NCAM1: variants seen among roughly 807,000 people sequenced by gnomAD.
NCAM1 encodes the protein neural cell adhesion molecule 1.
Under a neutral mutation model 109.8 loss-of-function variants are expected in NCAM1, and 14 were observed. That is an observed-to-expected ratio of 0.13 (90% CI 0.08 to 0.20). The LOEUF is 0.20. Ranked by LOEUF, NCAM1 falls within the 10% of genes least tolerant of loss-of-function variation. NCAM1 has a pLI of 1.00. For synonymous variants in NCAM1, 418 were observed against 442.9 expected (o/e 0.94, Z 0.70); for missense variants, 774 against 1,109.9 (o/e 0.70, Z 4.30).
chr11:113,229,237 G>GA (rs1467637077), intron 9 of NCAM1, among the ~76,000 whole-genome samples: 4 of 140,736 alleles, frequency 2.8e-5, no homozygotes, highest in African/African-American at 1.0e-4. Context: ...AAATTTACAA[G>GA]AAAAAATCAA....
intron 1 of NCAM1, among the ~76,000 whole-genome samples, chr11:113,049,495 A>G (rs1555081446): frequency 2.0e-5 from 3 of 152,188 alleles, no homozygotes; most frequent in East Asian, 1.9e-4. Flanking sequence ...TATATCTCCC[A>G]GGAATGCCTG....
At chr11:113,188,234 C>G (rs1943571832) in intron 1 of NCAM1, among the ~76,000 whole-genome samples, 2 of 152,140 alleles carry the variant, frequency 1.3e-5, no homozygotes, top group African/African-American at 4.8e-5. Context: ...CTTGTGAAAC[C>G]AGCAGCCCAT....
rs782763937 is a variant in NCAM1 at position 113,233,169 on chromosome 11, C to T, written c.1545C>T (p.Ile515=). Residue 515 remains isoleucine, a synonymous_variant, in exon 13 of 20, where the codon ATC becomes ATT. Transcript: ENST00000316851. The surrounding 1 kb of genome is among the most constrained non-coding windows in gnomAD (Gnocchi z 4.5). The part of the protein sequence containing the change: ...VQADTPSSPS[I]DQVEPYSSTA... ...CAGACACCCCCTCTTCACCATCCATCGACCAGGTGGAGCCATACTCCAGCA... is the reference window on the plus strand; with the variant it reads ...CAGACACCCCCTCTTCACCATCCATTGACCAGGTGGAGCCATACTCCAGCA... The T allele has an allele frequency of 6.2e-6, 10 of 1,613,260 alleles. No individual in the cohort carries two copies. The highest frequency in any genetic ancestry group is 4.0e-5 in the African/African-American group (3 of 74,884).
At chr11:113,090,713 G>A (rs1939305443) in intron 1 of NCAM1, among the ~76,000 whole-genome samples, 1 of 152,134 alleles carries the variant, frequency 6.6e-6, no homozygotes, top group Admixed American at 6.5e-5. Context: ...AATTAAAATT[G>A]GGAAAAAATG....
At position 113,232,718 on chromosome 11, in the gene NCAM1, G is replaced by A; in HGVS notation, c.1426G>A (p.Val476Met). ...ACCCAATAGCTTCTTCCTTCTAAAG[G>A]TGACCCCAGACTCTGAGAATGATTT... ...YNTPSASYLE[V>M]TPDSENDFGN... The change falls in exon 12 of 20, where the codon GTG becomes ATG. Residue 476 changes from valine to methionine, a missense_variant and splice_region_variant. Physicochemically the swap from Val to Met is conservative, Grantham distance 21. Coordinates refer to ENST00000316851, the MANE Select transcript of NCAM1 (RefSeq NM_181351.5). 6 of 1,611,914 alleles carry A rather than the reference G, an allele frequency of 3.7e-6. No individual in the cohort carries two copies. The highest frequency in any genetic ancestry group is 5.1e-6 in the Non-Finnish European group (6 of 1,178,032).
At position 113,271,984 on chromosome 11, in the gene NCAM1, G is replaced by A. The variant is rs1474104302; in HGVS notation, c.2456+108G>A. 4 of 739,870 alleles carry A rather than the reference G, an allele frequency of 5.4e-6. No individual in the cohort carries two copies. In the African/African-American group the frequency reaches 5.8e-5, roughly 11 times the overall value. The allele number at this position is 739,870 out of a possible 1,614,324, so 45.8% of individuals were successfully genotyped here. On this transcript the variant is annotated intron_variant, in intron 19 of 19. Transcript: ENST00000316851. ...CCTACCCACAGCTCCCGGCCAAACA[G>A]TTCAGGCCAGGATTCCAAACCCTTG...
intron 1 of NCAM1, among the ~76,000 whole-genome samples, chr11:112,988,753 T>TTA (rs1425887319): frequency 9.3e-5 from 14 of 149,872 alleles, no homozygotes; most frequent in Admixed American, 2.7e-4. Flanking sequence ...TCAACAGTAT[T>TTA]TTTTTTTTTT....
In NCAM1 at chr11:113,207,252, T is replaced by C. The variant is rs782409634; in HGVS notation, c.629-9T>C. ...CACAACCACCCCATGACACCCTTTT[T>C]TCCTTCAGTGCCACCTACCATCCAG... is the stretch of plus-strand genomic sequence containing the variant. On this transcript the variant is annotated splice_polypyrimidine_tract_variant and intron_variant, in intron 5 of 19. Transcript: ENST00000316851. 3 of 1,612,736 alleles carry C rather than the reference T, an allele frequency of 1.9e-6. No individual in the cohort carries two copies. Among genetic ancestry groups the C allele is most frequent in the Non-Finnish European group, 2.5e-6 (3 of 1,178,820 alleles).
chr11:113,179,290 A>T (rs1161678120), intron 1 of NCAM1, among the ~76,000 whole-genome samples: 1 of 152,140 alleles, frequency 6.6e-6, no homozygotes, highest in East Asian at 1.9e-4. Flanking sequence ...TGTACCCCCA[A>T]CTTGTTGATT....
At chr11:113,065,235 T>A (rs1454410205) in intron 1 of NCAM1, among the ~76,000 whole-genome samples, 1 of 152,016 alleles carries the variant, frequency 6.6e-6, no homozygotes, top group Non-Finnish European at 1.5e-5. Flanking sequence ...AAAATAAATA[T>A]CCATGAATCC....
At chr11:112,981,825 A>G (rs1281726457) in intron 1 of NCAM1, among the ~76,000 whole-genome samples, 1 of 151,964 alleles carries the variant, frequency 6.6e-6, no homozygotes, top group African/African-American at 2.4e-5. Flanking sequence ...GTCTTTAAAA[A>G]TAAGACATCT....
chr11:113,172,843 T>G (rs1012474549), intron 1 of NCAM1, among the ~76,000 whole-genome samples: 2 of 152,312 alleles, frequency 1.3e-5, no homozygotes, highest in Middle Eastern at 6.8e-3. Flanking sequence ...CTGACTGTTA[T>G]AAAAAGGAAA....
At chr11:113,101,217 TTC>T (rs1397335845) in intron 1 of NCAM1, among the ~76,000 whole-genome samples, 2 of 152,176 alleles carry the variant, frequency 1.3e-5, no homozygotes, top group African/African-American at 4.8e-5. Context: ...TTTCAGTGTA[TTC>T]TTTGGTGACC....
chr11:112,989,573 T>C (rs1209843017), intron 1 of NCAM1, among the ~76,000 whole-genome samples: 1 of 152,182 alleles, frequency 6.6e-6, no homozygotes, highest in African/African-American at 2.4e-5. Flanking sequence ...TGAACTTCAT[T>C]AATATGATTA....
At chr11:113,200,730 A>T (rs1555111679) in intron 1 of NCAM1, among the ~76,000 whole-genome samples, 1 of 152,138 alleles carries the variant, frequency 6.6e-6, no homozygotes, top group Non-Finnish European at 1.5e-5. Context: ...GAATGACAGG[A>T]GAAAGCACCC....
intron 1 of NCAM1, among the ~76,000 whole-genome samples, chr11:113,000,817 C>CATATAT (rs375984527): frequency 0.022 from 2,875 of 129,076 alleles, 80 homozygotes; most frequent in African/African-American, 0.06. Flanking sequence ...ATTATATATA[C>CATATAT]ATATATATAT....
intron 1 of NCAM1, among the ~76,000 whole-genome samples, chr11:113,064,727 G>T (rs1208725685): frequency 1.3e-5 from 2 of 152,042 alleles, no homozygotes; most frequent in Admixed American, 6.6e-5. Flanking sequence ...AATTCTCATG[G>T]ATCACCCAGT....
chr11:113,210,990 G>A (rs919119952), intron 7 of NCAM1, among the ~76,000 whole-genome samples: 17 of 152,246 alleles, frequency 1.1e-4, no homozygotes, highest in East Asian at 1.9e-4. Context: ...TCTGCGGAGC[G>A]TTCATGCAGC....
chr11:113,147,552 G>A (rs1942063341), intron 1 of NCAM1, among the ~76,000 whole-genome samples: 1 of 152,208 alleles, frequency 6.6e-6, no homozygotes, highest in African/African-American at 2.4e-5. Flanking sequence ...CAGCACAGTA[G>A]GTGGGACGAC....
Sources: gnomAD v4.1 joint callset for allele counts (sites outside exome capture counted in the v4.1 genomes callset) on GRCh38, gnomAD v4.1.1 for gene constraint, Gnocchi (gnomAD v3.1) non-coding constraint, MANE v1.5 for transcripts, NCBI Gene and HGNC (gene_info 2026-07-23, HGNC 2026-07-21) for gene names.